PREX1: variants seen among roughly 807,000 people sequenced by gnomAD.
The protein encoded by PREX1 is phosphatidylinositol 3,4,5-trisphosphate-dependent Rac exchanger 1 protein.
Under a neutral mutation model 198.3 loss-of-function variants are expected in PREX1, and 41 were observed. The observed-to-expected ratio is 0.21, with a 90% CI of 0.16 to 0.27. The LOEUF is 0.27. Ranked by LOEUF, PREX1 falls within the 10% of genes least tolerant of loss-of-function variation. PREX1 has a pLI of 1.00. For synonymous variants in PREX1, 843 were observed against 887.2 expected (o/e 0.95, Z 0.89); for missense variants, 1,620 against 2,200.7 (o/e 0.74, Z 5.28).
chr20:48,733,899 T>C (rs947761482), intron 4 of PREX1, among the ~76,000 whole-genome samples: 1 of 152,150 alleles, frequency 6.6e-6, no homozygotes, highest in African/African-American at 2.4e-5. Flanking sequence ...TAGAGGCACA[T>C]GCCGCCACGC....
the PREX1 span, among the ~76,000 whole-genome samples, chr20:48,876,891 T>A: frequency 6.6e-6 from 1 of 152,162 alleles, no homozygotes. Flanking sequence ...AAGCATGTAG[T>A]GGGGCTCAGT....
At chr20:48,680,203 T>C (rs2089740285) in intron 11 of PREX1, among the ~76,000 whole-genome samples, 1 of 152,250 alleles carries the variant, frequency 6.6e-6, no homozygotes, top group East Asian at 1.9e-4. Flanking sequence ...TGCTTGATGC[T>C]TCAGATCCAT....
chr20:48,659,501 C>T (rs780903887), intron 16 of PREX1, among the ~76,000 whole-genome samples: 3 of 151,982 alleles, frequency 2.0e-5, no homozygotes, highest in South Asian at 2.1e-4. Flanking sequence ...TTAATGGAGC[C>T]GTCTTCATAT....
the PREX1 span, among the ~76,000 whole-genome samples, chr20:48,833,477 T>C: frequency 7.3e-5 from 11 of 150,752 alleles, no homozygotes; most frequent in East Asian, 2.1e-3. Context: ...AGTCTCATTC[T>C]GTTGCCCAGA....
chr20:48,674,377 G>A (rs927222431), intron 14 of PREX1, among the ~76,000 whole-genome samples: 12 of 152,182 alleles, frequency 7.9e-5, no homozygotes, highest in Non-Finnish European at 1.3e-4. Context: ...AGAAAATCCA[G>A]GCAGCAAATT....
intron 31 of PREX1, 136 bp from the exon 32 acceptor site, chr20:48,636,819 T>C: frequency 1.4e-6 from 1 of 736,294 alleles, no homozygotes; most frequent in Non-Finnish European, 2.1e-6. Flanking sequence ...AAATTACTTT[T>C]TGGTGGACAT....
chr20:48,689,073 C>T (rs1030233994), intron 9 of PREX1, among the ~76,000 whole-genome samples: 2 of 152,238 alleles, frequency 1.3e-5, no homozygotes, highest in Non-Finnish European at 2.9e-5. Flanking sequence ...GGGGGTCATG[C>T]CTTCAACCCA....
At chr20:48,669,199 T>C (rs190355615) in intron 14 of PREX1, among the ~76,000 whole-genome samples, 134 of 152,040 alleles carry the variant, frequency 8.8e-4, no homozygotes, top group Admixed American at 4.0e-3. Flanking sequence ...TCAAGGCCTT[T>C]GCACTCGTCC....
In PREX1 at chr20:48,634,761, G is replaced by T; in HGVS notation, c.4182C>A (p.Thr1394=). The change falls in exon 33 of 40, where the codon ACC becomes ACA. Residue 1394 remains threonine, a synonymous_variant. Transcript: ENST00000371941. ...LSPATVKEER[T]MLEDIWVTLS... is the part of the protein sequence containing the mutation. Reference sequence around the variant, plus strand: ...GCGTCACCCAGATGTCCTCCAGCATGGTCCGTTCCTCCTTCTGCAGGAAGA... The same window carrying T: ...GCGTCACCCAGATGTCCTCCAGCATTGTCCGTTCCTCCTTCTGCAGGAAGA... 6.8e-6 allele frequency: 11 copies of T among 1,614,084 alleles called. No homozygotes were observed. The highest frequency in any genetic ancestry group is 9.3e-6 in the Non-Finnish European group (11 of 1,179,934).
At chr20:48,846,792 G>A in the PREX1 span, among the ~76,000 whole-genome samples, 1 of 152,190 alleles carries the variant, frequency 6.6e-6, no homozygotes, top group South Asian at 2.1e-4. Flanking sequence ...TCGGGGACCA[G>A]AGGGCCAGGA....
chr20:48,835,690 G>A, the PREX1 span, among the ~76,000 whole-genome samples: 1 of 152,160 alleles, frequency 6.6e-6, no homozygotes, highest in Non-Finnish European at 1.5e-5. Context: ...CTAGAAAGGA[G>A]AGGAAAACCA....
chr20:48,658,076 G>T, intron 17 of PREX1, 60 bp downstream of exon 17: 1 of 1,512,692 alleles, frequency 6.6e-7, no homozygotes. Flanking sequence ...GGAGGGTGAA[G>T]AGAGACACCC....
intron 13 of PREX1, among the ~76,000 whole-genome samples, chr20:48,677,207 C>G (rs2123006061): frequency 6.6e-6 from 1 of 152,278 alleles, no homozygotes; most frequent in Admixed American, 6.5e-5. Context: ...GCCAAGGAGC[C>G]CCACCTGCCT....
At chr20:48,780,069 G>A (rs546774277) in intron 1 of PREX1, among the ~76,000 whole-genome samples, 6 of 152,072 alleles carry the variant, frequency 3.9e-5, no homozygotes, top group Non-Finnish European at 7.4e-5. Flanking sequence ...ATGGACACTG[G>A]GTTTTTCAAA....
At chr20:48,692,260 G>A (rs6095241) in intron 8 of PREX1, 83,207 of 171,522 alleles carry the variant, frequency 0.49, 20,703 homozygotes, top group South Asian at 0.64. Flanking sequence ...GTATATACAT[G>A]CACATATATA....
chr20:48,688,618 A>C (rs1384143987), intron 10 of PREX1, 39 bp downstream of exon 10: 2 of 1,612,034 alleles, frequency 1.2e-6, no homozygotes, highest in African/African-American at 2.7e-5. Context: ...TCCAGCTGAG[A>C]GCCCAGGGAC....
chr20:48,655,741 A>C (rs992915890), intron 18 of PREX1, among the ~76,000 whole-genome samples: 3 of 152,182 alleles, frequency 2.0e-5, no homozygotes. Context: ...TGGGAGGGTG[A>C]GAAGTGATCT....
intron 1 of PREX1, among the ~76,000 whole-genome samples, chr20:48,796,747 C>A (rs146832185): frequency 2.0e-5 from 3 of 149,376 alleles, no homozygotes; most frequent in African/African-American, 7.4e-5. Context: ...TATGTATATG[C>A]GTAATTATAT....
chr20:48,674,038 G>A (rs1413444541), intron 14 of PREX1, among the ~76,000 whole-genome samples: 1 of 152,182 alleles, frequency 6.6e-6, no homozygotes, highest in African/African-American at 2.4e-5. Flanking sequence ...CGTCTGTCTG[G>A]CTATAAAAGC....
Sources: allele counts gnomAD v4.1 joint callset (sites outside exome capture counted in the v4.1 genomes callset), GRCh38; gene constraint gnomAD v4.1.1; transcripts MANE v1.5; gene names NCBI Gene and HGNC (gene_info 2026-07-23, HGNC 2026-07-21).